SMOC2: variants seen among roughly 807,000 people sequenced by gnomAD.
SMOC2 encodes the protein SPARC related modular calcium binding 2.
A neutral mutation model predicts 61.4 loss-of-function variants in SMOC2; 39 were observed. The observed-to-expected ratio is 0.64, with a 90% confidence interval of 0.49 to 0.83. SMOC2 has a LOEUF of 0.83. SMOC2 is among the 40% of genes least tolerant of loss of function. The pLI is 0.00. For synonymous variants in SMOC2, 247 were observed against 239.9 expected, an observed-to-expected ratio of 1.03 and a Z score of -0.27; for missense variants, 556 against 592.9, an observed-to-expected ratio of 0.94 and a Z score of 0.65.
intron 9 of SMOC2, among the ~76,000 whole-genome samples, chr6:168,649,616 T>G (rs890317713): frequency 6.6e-6 from 1 of 152,202 alleles, no homozygotes; most frequent in African/African-American, 2.4e-5. Context: ...CCCCTGGATA[T>G]TTACACACAA....
At chr6:168,537,577 G>T (rs1189257954) in intron 4 of SMOC2, among the ~76,000 whole-genome samples, 2 of 152,256 alleles carry the variant, frequency 1.3e-5, no homozygotes, top group Non-Finnish European at 2.9e-5. Flanking sequence ...TGCTCTGCAG[G>T]ATGTAAGAAG....
intron 11 of SMOC2, among the ~76,000 whole-genome samples, chr6:168,659,905 G>A (rs200384859): frequency 5.9e-4 from 89 of 150,154 alleles, no homozygotes; most frequent in East Asian, 4.9e-3. Flanking sequence ...GAGGTTGTAG[G>A]TTGGGTGAGG....
At chr6:168,500,475 C>T (rs990324933) in intron 1 of SMOC2, among the ~76,000 whole-genome samples, 6 of 152,042 alleles carry the variant, frequency 3.9e-5, no homozygotes, top group African/African-American at 9.7e-5. Flanking sequence ...TGGAACCTGA[C>T]GGGGTCCCTC....
intron 2 of SMOC2, among the ~76,000 whole-genome samples, chr6:168,511,128 T>C (rs1196946855): frequency 1.3e-5 from 2 of 152,162 alleles, no homozygotes; most frequent in Non-Finnish European, 2.9e-5. Context: ...GATAAGTATA[T>C]AAATGAAGAT....
In SMOC2 at chr6:168,598,948, G is replaced by C; in HGVS notation, c.768G>C (p.Gly256=). 2 of 1,613,480 alleles carry C rather than the reference G, an allele frequency of 1.2e-6. No homozygotes were observed. Among genetic ancestry groups the C allele is most frequent in the Non-Finnish European group, 1.7e-6 (2 of 1,179,642 alleles). Reference sequence around the variant, plus strand: ...CAGTGCAGTGCCACCCCTCCACGGGGTACTGCTGGTGCGTCCTGGTGGACA... The same window carrying C: ...CAGTGCAGTGCCACCCCTCCACGGGCTACTGCTGGTGCGTCCTGGTGGACA... The part of the protein sequence containing the change: ...YKPVQCHPST[G]YCWCVLVDTG... Residue 256 remains glycine, a synonymous_variant, in exon 8 of 13, where the codon GGG becomes GGC. Coordinates refer to ENST00000356284, the MANE Select transcript of SMOC2 (RefSeq NM_001166412.2).
intron 1 of SMOC2, among the ~76,000 whole-genome samples, chr6:168,481,963 A>G (rs989829058): frequency 6.6e-6 from 1 of 151,862 alleles, no homozygotes. Context: ...AAAAAACCTA[A>G]CTTTACAACT....
chr6:168,527,762 G>C (rs1783490733), intron 4 of SMOC2, 35 bp downstream of exon 4: 2 of 1,382,100 alleles, frequency 1.4e-6, no homozygotes. Flanking sequence ...TGGAAGGCTT[G>C]AAGGGAATTG....
At chr6:168,508,542 A>G (rs1782929646) in intron 1 of SMOC2, among the ~76,000 whole-genome samples, 1 of 152,246 alleles carries the variant, frequency 6.6e-6, no homozygotes, top group Admixed American at 6.5e-5. Context: ...CTTTAAACAG[A>G]GCCAGCTGAG....
chr6:168,599,398 ACT>A (rs1562372598), intron 8 of SMOC2, among the ~76,000 whole-genome samples: 4 of 79,802 alleles, frequency 5.0e-5, no homozygotes, highest in East Asian at 4.9e-4. Flanking sequence ...TCACACACAC[ACT>A]GACACACACA....
intron 1 of SMOC2, among the ~76,000 whole-genome samples, chr6:168,499,126 G>C (rs957842348): frequency 2.6e-4 from 39 of 149,892 alleles, no homozygotes; most frequent in African/African-American, 9.4e-4. Flanking sequence ...ACAGTCTCTG[G>C]GGGGACAGCC....
At chr6:168,458,295 CG>C (rs1781637704) in intron 1 of SMOC2, among the ~76,000 whole-genome samples, 1 of 151,128 alleles carries the variant, frequency 6.6e-6, no homozygotes, top group Non-Finnish European at 1.5e-5. Context: ...GGGAGGGAGA[CG>C]GTCTCACCCT....
At chr6:168,621,969 C>CT (rs34107549) in intron 9 of SMOC2, among the ~76,000 whole-genome samples, 55 of 148,216 alleles carry the variant, frequency 3.7e-4, no homozygotes, top group African/African-American at 6.0e-4. Context: ...GATTAATCTT[C>CT]TTTTTTTTTT....
intron 1 of SMOC2, among the ~76,000 whole-genome samples, chr6:168,459,502 T>G (rs1181008346): frequency 6.6e-6 from 1 of 151,516 alleles, no homozygotes; most frequent in East Asian, 2.0e-4. Flanking sequence ...CCCTCACATG[T>G]GAAAATGAAG....
intron 9 of SMOC2, among the ~76,000 whole-genome samples, chr6:168,609,459 T>A (rs1785796798): frequency 6.6e-6 from 1 of 152,114 alleles, no homozygotes. Context: ...GGGGAAGAGA[T>A]CACGATGGTG....
In SMOC2 at chr6:168,575,589, G is replaced by A. The variant is rs543951885; in HGVS notation, c.638-23229G>A. The stretch of plus-strand genomic sequence containing the variant: ...TATTTCTGTGAAGTTTGAAGGCGGA[G>A]CCATGCGAAGGGTCTGTCTTTACTG... On this transcript the variant is annotated intron_variant, in intron 7 of 12. Transcript: ENST00000356284. Among the ~76,000 whole-genome samples, 8 of 152,268 alleles carry A rather than the reference G, an allele frequency of 5.3e-5. No homozygotes were observed. In the East Asian group the frequency reaches 1.2e-3, roughly 22 times the overall value.
At chr6:168,465,136 T>C (rs980867540) in intron 1 of SMOC2, among the ~76,000 whole-genome samples, 3 of 152,272 alleles carry the variant, frequency 2.0e-5, no homozygotes, top group Admixed American at 2.0e-4. Context: ...GTTTAATCCA[T>C]CACTGGTTGC....
At chr6:168,518,206 C>T (rs1783192771) in intron 2 of SMOC2, among the ~76,000 whole-genome samples, 1 of 152,206 alleles carries the variant, frequency 6.6e-6, no homozygotes, top group South Asian at 2.1e-4. Context: ...TCGCCTGGCT[C>T]CTATCGGGCA....
At chr6:168,614,514 A>AGG (rs201552752) in intron 9 of SMOC2, among the ~76,000 whole-genome samples, 4 of 36,960 alleles carry the variant, frequency 1.1e-4, no homozygotes, top group Admixed American at 3.1e-4. Flanking sequence ...CAGCCAGCAC[A>AGG]GGGCCTCTTC....
At chr6:168,634,651 C>T (rs534706891) in intron 9 of SMOC2, among the ~76,000 whole-genome samples, 9 of 152,316 alleles carry the variant, frequency 5.9e-5, no homozygotes, top group African/African-American at 1.9e-4. Context: ...CGCTAGGCTA[C>T]AAGACCAGAA....
Sources: gnomAD v4.1 joint callset for allele counts (sites outside exome capture counted in the v4.1 genomes callset) on GRCh38, gnomAD v4.1.1 for gene constraint, MANE v1.5 for transcripts, NCBI Gene and HGNC (gene_info 2026-07-23, HGNC 2026-07-21) for gene names.